Variants in MAD1L1 observed in about 807,000 individuals in gnomAD.
The protein encoded by MAD1L1 is mitotic arrest deficient 1 like 1, also known as mitotic spindle assembly checkpoint protein MAD1.
MAD1L1 carries 95 observed loss-of-function variants against 96.9 expected under a neutral mutation model. The observed-to-expected ratio is 0.98, with a 90% CI of 0.83 to 1.16. The LOEUF is 1.16. Among genes scored for constraint, MAD1L1 ranks in the 50% most tolerant of loss-of-function variants. The pLI, the probability that MAD1L1 is intolerant of heterozygous loss-of-function variation, is 0.00. For synonymous variants in MAD1L1, 473 were observed against 396.6 expected (o/e 1.19, Z -2.29); for missense variants, 1,007 against 954.4 (o/e 1.06, Z -0.73).
At chr7:2,210,718 C>A (rs1371090684) in intron 10 of MAD1L1, among the ~76,000 whole-genome samples, 1 of 152,228 alleles carries the variant, frequency 6.6e-6, no homozygotes, top group African/African-American at 2.4e-5. Context: ...TGAAGGGGCC[C>A]AGGCATGGCA....
intron 17 of MAD1L1, among the ~76,000 whole-genome samples, chr7:1,933,216 C>T (rs1416505065): frequency 1.3e-5 from 2 of 152,104 alleles, no homozygotes; most frequent in Non-Finnish European, 2.9e-5. Context: ...TAGGGGAGGG[C>T]ACTAGGGGCC....
intron 18 of MAD1L1, among the ~76,000 whole-genome samples, chr7:1,832,617 G>GTTT (rs1554266480): frequency 0.035 from 1,703 of 48,910 alleles, 376 homozygotes; most frequent in African/African-American, 0.16. Context: ...TCATTGCTGT[G>GTTT]TTTTTTTTTT....
chr7:1,921,797 A>C (rs1488935634), intron 17 of MAD1L1, among the ~76,000 whole-genome samples: 1 of 152,228 alleles, frequency 6.6e-6, no homozygotes, highest in African/African-American at 2.4e-5. Flanking sequence ...TCTGAGATAA[A>C]TGGCCCTAGG....
At chr7:1,867,944 C>A (rs1360724751) in intron 18 of MAD1L1, among the ~76,000 whole-genome samples, 1 of 152,230 alleles carries the variant, frequency 6.6e-6, no homozygotes, top group African/African-American at 2.4e-5. Context: ...TCCCGTCTTC[C>A]CTAATACGGG....
intron 18 of MAD1L1, among the ~76,000 whole-genome samples, chr7:1,818,687 T>C (rs1341395291): frequency 2.0e-5 from 3 of 152,086 alleles, no homozygotes; most frequent in African/African-American, 4.8e-5. Flanking sequence ...ATTACAGGCG[T>C]GAGCTCTGAT....
intron 12 of MAD1L1, among the ~76,000 whole-genome samples, chr7:2,059,726 T>C (rs6977161): frequency 0.34 from 51,426 of 150,812 alleles, 9,476 homozygotes; most frequent in African/African-American, 0.48. Context: ...ATGGGGTTGG[T>C]GGGGAAGCAT....
chr7:1,940,964 G>GCAGTCCTCACCCTCCTCTTCCTCTCC (rs1778941593), intron 16 of MAD1L1, among the ~76,000 whole-genome samples: 1 of 64,328 alleles, frequency 1.6e-5, no homozygotes, highest in East Asian at 4.0e-4. Context: ...TCCTCCCCCC[G>GCAGTCCTCACCCTCCTCTTCCTCTCC]CAGGCCTCAC....
chr7:1,912,401 G>A (rs1318100233), intron 17 of MAD1L1, among the ~76,000 whole-genome samples: 1 of 152,226 alleles, frequency 6.6e-6, no homozygotes, highest in Non-Finnish European at 1.5e-5. Context: ...TGGGTGAGGT[G>A]AGGCAGGCGG....
chr7:2,053,302 C>T (rs545853329), intron 12 of MAD1L1, among the ~76,000 whole-genome samples: 10 of 152,200 alleles, frequency 6.6e-5, no homozygotes, highest in South Asian at 2.1e-4. Flanking sequence ...GTCCTCCGGG[C>T]GGGGGCAGAG....
chr7:2,184,471 T>C (rs529734669), intron 10 of MAD1L1, among the ~76,000 whole-genome samples: 32 of 152,166 alleles, frequency 2.1e-4, no homozygotes, highest in Non-Finnish European at 3.8e-4. Flanking sequence ...CATAAAATCA[T>C]ACCACCACCT....
At chr7:2,126,923 T>C (rs1788259949) in intron 11 of MAD1L1, among the ~76,000 whole-genome samples, 1 of 152,132 alleles carries the variant, frequency 6.6e-6, no homozygotes, top group Non-Finnish European at 1.5e-5. Flanking sequence ...CTTCTATGTA[T>C]CCAGTAGGGC....
chr7:2,032,843 G>A (rs532880475), intron 12 of MAD1L1, among the ~76,000 whole-genome samples: 2 of 152,284 alleles, frequency 1.3e-5, no homozygotes, highest in Admixed American at 6.5e-5. Context: ...GTAAGAACAG[G>A]CGAGGACAGG....
At chr7:1,916,951 G>A (rs941810184) in intron 17 of MAD1L1, among the ~76,000 whole-genome samples, 5 of 152,120 alleles carry the variant, frequency 3.3e-5, no homozygotes, top group African/African-American at 4.8e-5. Flanking sequence ...AACGAGAACC[G>A]AGGCTGGGGC....
At chr7:1,853,573 C>T (rs955447949) in intron 18 of MAD1L1, among the ~76,000 whole-genome samples, 3 of 152,156 alleles carry the variant, frequency 2.0e-5, no homozygotes, top group South Asian at 2.1e-4. Flanking sequence ...CCCGCTCCAG[C>T]CCCCACCCTG....
At chr7:2,199,890 C>T (rs1466198537) in intron 10 of MAD1L1, among the ~76,000 whole-genome samples, 1 of 152,262 alleles carries the variant, frequency 6.6e-6, no homozygotes, top group Non-Finnish European at 1.5e-5. Flanking sequence ...TCAGCTGGAC[C>T]AGTCCCCAGC....
At chr7:1,852,136 G>A (rs985214608) in intron 18 of MAD1L1, among the ~76,000 whole-genome samples, 3 of 152,224 alleles carry the variant, frequency 2.0e-5, no homozygotes, top group Non-Finnish European at 4.4e-5. Flanking sequence ...AGAGCGGGTC[G>A]GGGAGAAGCC....
At chr7:2,074,810 C>A (rs1255770944) in intron 11 of MAD1L1, among the ~76,000 whole-genome samples, 1 of 152,224 alleles carries the variant, frequency 6.6e-6, no homozygotes, top group Non-Finnish European at 1.5e-5. Context: ...GCAGGTGCCT[C>A]CTGACACTGG....
At chr7:2,199,442 G>C (rs1792165420) in intron 10 of MAD1L1, among the ~76,000 whole-genome samples, 1 of 152,242 alleles carries the variant, frequency 6.6e-6, no homozygotes, top group East Asian at 1.9e-4. Flanking sequence ...CTGCAGCCTG[G>C]TGCGCCACCC....
At chr7:1,916,333 C>A (rs1302498487) in intron 17 of MAD1L1, among the ~76,000 whole-genome samples, 2 of 152,202 alleles carry the variant, frequency 1.3e-5, no homozygotes, top group South Asian at 2.1e-4. Context: ...CAGCATGACT[C>A]ATGACAGCCA....
Sources: gnomAD v4.1 joint callset for allele counts (sites outside exome capture counted in the v4.1 genomes callset) on GRCh38, gnomAD v4.1.1 for gene constraint, MANE v1.5 for transcripts, NCBI Gene and HGNC (gene_info 2026-07-23, HGNC 2026-07-21) for gene names.